The following CNTN5 variants were observed in gnomAD, a reference collection of about 807,000 sequenced individuals.
CNTN5 encodes contactin-5.
Under a neutral mutation model 129.1 loss-of-function variants are expected in CNTN5, and 77 were observed. The observed-to-expected ratio is 0.60, with a 90% confidence interval of 0.50 to 0.72. The LOEUF (loss-of-function observed/expected upper bound fraction) is 0.72, where lower values mean the gene tolerates loss of function less well. Ranked by LOEUF, CNTN5 falls within the 30% of genes least tolerant of loss-of-function variation. The pLI is 0.00. For synonymous variants in CNTN5, 509 were observed against 465.6 expected (o/e 1.09, Z -1.20); for missense variants, 1,478 against 1,328.8 (o/e 1.11, Z -1.75).
At chr11:100,005,629 C>T (rs927954489) in intron 9 of CNTN5, among the ~76,000 whole-genome samples, 7 of 152,100 alleles carry the variant, frequency 4.6e-5, no homozygotes, top group African/African-American at 1.7e-4. Context: ...CCAAGTTGTA[C>T]TTACTGTTTA....
chr11:99,681,241 A>G (rs1204508856), intron 3 of CNTN5, among the ~76,000 whole-genome samples: 2 of 152,124 alleles, frequency 1.3e-5, no homozygotes, highest in Non-Finnish European at 2.9e-5. Flanking sequence ...TAGTTAATAA[A>G]GCAGTGGTAG....
chr11:100,311,515 GC>G (rs1951472978), intron 21 of CNTN5, among the ~76,000 whole-genome samples: 1 of 152,002 alleles, frequency 6.6e-6, no homozygotes, highest in African/African-American at 2.4e-5. Flanking sequence ...TAGTTTGTAT[GC>G]ATATACCAGC....
At position 99,694,180 on chromosome 11, in the gene CNTN5, C is replaced by T. The variant is rs563708302; in HGVS notation, c.56-125364C>T. On this transcript the variant is annotated intron_variant, in intron 3 of 24. Coordinates refer to ENST00000524871, the MANE Select transcript of CNTN5 (RefSeq NM_014361.4). ...TCACAATACGGCTCTGAAGCCAATA[C>T]GGCTCATGAAGCCAAAGACTTAGAG... is the stretch of plus-strand genomic sequence containing the variant. Among the ~76,000 whole-genome samples the T allele has an allele frequency of 1.7e-3, 251 of 151,806 alleles. 1 individual carries two copies. Among genetic ancestry groups the T allele is most frequent in the African/African-American group, 5.5e-3 (228 of 41,430 alleles).
At chr11:99,068,742 A>C (rs536902382) in intron 1 of CNTN5, among the ~76,000 whole-genome samples, 1 of 152,354 alleles carries the variant, frequency 6.6e-6, no homozygotes, top group East Asian at 1.9e-4. Context: ...CAAGGCAGAG[A>C]AACATTAAAA....
chr11:99,291,824 T>C (rs1233945667), intron 1 of CNTN5, among the ~76,000 whole-genome samples: 1 of 152,018 alleles, frequency 6.6e-6, no homozygotes, highest in African/African-American at 2.4e-5. Flanking sequence ...ACGCCTTTTA[T>C]TGATAATCTT....
chr11:99,709,685 A>G (rs1954892594), intron 3 of CNTN5, among the ~76,000 whole-genome samples: 1 of 151,878 alleles, frequency 6.6e-6, no homozygotes, highest in East Asian at 1.9e-4. Flanking sequence ...AAATAATGCC[A>G]TCTAGTTTAT....
chr11:99,720,740 A>G (rs1943144313), intron 3 of CNTN5, among the ~76,000 whole-genome samples: 1 of 152,152 alleles, frequency 6.6e-6, no homozygotes, highest in South Asian at 2.1e-4. Flanking sequence ...ATTCTATAGC[A>G]GGAAAACCCA....
At chr11:99,047,607 T>C (rs1166314742) in intron 1 of CNTN5, among the ~76,000 whole-genome samples, 1 of 152,134 alleles carries the variant, frequency 6.6e-6, no homozygotes, top group Non-Finnish European at 1.5e-5. Context: ...AGTTCATCGA[T>C]AAATTCAGCC....
intron 1 of CNTN5, among the ~76,000 whole-genome samples, chr11:99,076,643 A>G (rs1003533092): frequency 6.6e-6 from 1 of 152,190 alleles, no homozygotes; most frequent in African/African-American, 2.4e-5. Flanking sequence ...CATCCTATAG[A>G]TATATTCACA....
chr11:99,911,447 C>T (rs1162059994), intron 6 of CNTN5, among the ~76,000 whole-genome samples: 1 of 151,900 alleles, frequency 6.6e-6, no homozygotes, highest in Non-Finnish European at 1.5e-5. Context: ...GGAGACAAAT[C>T]AACCACAGCG....
chr11:100,236,972 G>A (rs1275710271), intron 16 of CNTN5, among the ~76,000 whole-genome samples: 1 of 152,038 alleles, frequency 6.6e-6, no homozygotes, highest in Non-Finnish European at 1.5e-5. Context: ...GGTGGATCAC[G>A]AGGTCAGAAG....
At chr11:99,938,040 C>T (rs2136101477) in intron 7 of CNTN5, among the ~76,000 whole-genome samples, 1 of 152,282 alleles carries the variant, frequency 6.6e-6, no homozygotes, top group African/African-American at 2.4e-5. Flanking sequence ...TGCGAATAGG[C>T]TCTAAAGCTT....
At chr11:100,340,435 A>T (rs755950865) in intron 21 of CNTN5, 28 bp from the exon 22 acceptor site, 1 of 1,557,936 alleles carries the variant, frequency 6.4e-7, no homozygotes, top group Non-Finnish European at 8.7e-7. Flanking sequence ...CTTTAAAATT[A>T]ACCTGCCATG....
intron 2 of CNTN5, among the ~76,000 whole-genome samples, chr11:99,511,831 T>A (rs1037872000): frequency 2.7e-5 from 4 of 150,652 alleles, no homozygotes; most frequent in Non-Finnish European, 4.4e-5. Flanking sequence ...TAATAAAATT[T>A]AAATAAATAA....
intron 2 of CNTN5, among the ~76,000 whole-genome samples, chr11:99,458,217 A>AT (rs1266627844): frequency 6.6e-6 from 1 of 151,896 alleles, no homozygotes; most frequent in Non-Finnish European, 1.5e-5. Context: ...TTCTATCCTT[A>AT]TTTTTTTATA....
intron 20 of CNTN5, among the ~76,000 whole-genome samples, chr11:100,305,902 T>C (rs1054599809): frequency 6.6e-6 from 1 of 151,054 alleles, no homozygotes; most frequent in Non-Finnish European, 1.5e-5. Context: ...AGAATTGTTT[T>C]GGACCACACA....
At chr11:99,344,128 C>T (rs770355298) in intron 2 of CNTN5, among the ~76,000 whole-genome samples, 19 of 152,238 alleles carry the variant, frequency 1.2e-4, no homozygotes, top group Admixed American at 4.6e-4. Flanking sequence ...CGTAAGTTTT[C>T]GGTAGAAAGT....
At chr11:99,896,136 G>T (rs1378548160) in intron 6 of CNTN5, among the ~76,000 whole-genome samples, 1 of 152,136 alleles carries the variant, frequency 6.6e-6, no homozygotes, top group South Asian at 2.1e-4. Context: ...AGGGAACAAG[G>T]AGGTGGGGCA....
At chr11:99,220,967 C>T (rs1271633687) in intron 1 of CNTN5, among the ~76,000 whole-genome samples, 2 of 151,860 alleles carry the variant, frequency 1.3e-5, no homozygotes, top group Non-Finnish European at 2.9e-5. Flanking sequence ...CCCCACTTGT[C>T]CTGAAATTTA....
Sources: gnomAD v4.1 joint callset for allele counts (sites outside exome capture counted in the v4.1 genomes callset) on GRCh38, gnomAD v4.1.1 for gene constraint, MANE v1.5 for transcripts, NCBI Gene and HGNC (gene_info 2026-07-23, HGNC 2026-07-21) for gene names.